SERPINI1: variants seen among roughly 807,000 people sequenced by gnomAD.
SERPINI1 encodes the protein neuroserpin.
SERPINI1 carries 19 observed loss-of-function variants against 41.1 expected under a neutral mutation model. That is an observed-to-expected ratio of 0.46 (90% CI 0.32 to 0.68). The LOEUF (loss-of-function observed/expected upper bound fraction) is 0.68. Ranked by LOEUF, SERPINI1 falls within the 30% of genes least tolerant of loss-of-function variation. The pLI is 0.03. For synonymous variants in SERPINI1, 138 were observed against 156.6 expected (o/e 0.88, Z 0.89); for missense variants, 460 against 479.2 (o/e 0.96, Z 0.37).
At chr3:167,745,671 C>A (rs1725842373) in intron 1 of SERPINI1, among the ~76,000 whole-genome samples, 1 of 151,918 alleles carries the variant, frequency 6.6e-6, no homozygotes, top group African/African-American at 2.4e-5. Flanking sequence ...CCTAAAGAAT[C>A]CACATGAAAA....
At chr3:167,736,350 A>G (rs1725433006) in intron 1 of SERPINI1, among the ~76,000 whole-genome samples, 1 of 152,182 alleles carries the variant, frequency 6.6e-6, no homozygotes, top group East Asian at 1.9e-4. Flanking sequence ...GCAGGCAGGA[A>G]TAGTCAGGAT....
intron 6 of SERPINI1, among the ~76,000 whole-genome samples, chr3:167,816,105 C>T (rs1315248746): frequency 1.3e-5 from 2 of 152,122 alleles, no homozygotes; most frequent in Non-Finnish European, 2.9e-5. Context: ...TGCAGTGGTG[C>T]GATCTTGGCT....
chr3:167,739,788 G>GT (rs765096734), intron 1 of SERPINI1, among the ~76,000 whole-genome samples: 5 of 152,000 alleles, frequency 3.3e-5, no homozygotes, highest in Non-Finnish European at 7.4e-5. Flanking sequence ...GTCATTAGTT[G>GT]TTTTTTGCAT....
chr3:167,759,400 G>GCATATATATA (rs1553771738), intron 1 of SERPINI1, among the ~76,000 whole-genome samples: 2 of 121,116 alleles, frequency 1.7e-5, no homozygotes, highest in African/African-American at 6.1e-5. Context: ...AGAAAATGTG[G>GCATATATATA]TATATATATA....
chr3:167,778,563 G>T (rs921785564), intron 1 of SERPINI1, among the ~76,000 whole-genome samples: 1 of 152,218 alleles, frequency 6.6e-6, no homozygotes, highest in Non-Finnish European at 1.5e-5. Context: ...GATCTGGGTG[G>T]CATCAGTTGG....
chr3:167,756,224 G>A (rs1010905792), intron 1 of SERPINI1, among the ~76,000 whole-genome samples: 1 of 152,144 alleles, frequency 6.6e-6, no homozygotes, highest in Non-Finnish European at 1.5e-5. Context: ...CTGAAGCTAT[G>A]TAAACCCCCA....
At chr3:167,742,249 A>T (rs1017425300) in intron 1 of SERPINI1, among the ~76,000 whole-genome samples, 1 of 152,198 alleles carries the variant, frequency 6.6e-6, no homozygotes, top group Non-Finnish European at 1.5e-5. Flanking sequence ...TTTTCCTCAC[A>T]TTGCATGGCC....
At chr3:167,807,452 C>A in intron 6 of SERPINI1, 111 bp downstream of exon 6, 1 of 703,160 alleles carries the variant, frequency 1.4e-6, no homozygotes, top group Non-Finnish European at 2.5e-6. Context: ...ATAGTTACCA[C>A]TTGCCAAATA....
chr3:167,779,520 C>G (rs899913977), intron 1 of SERPINI1, among the ~76,000 whole-genome samples: 1 of 152,110 alleles, frequency 6.6e-6, no homozygotes, highest in Non-Finnish European at 1.5e-5. Flanking sequence ...GACCAGTTTT[C>G]TACAACATAG....
intron 5 of SERPINI1, among the ~76,000 whole-genome samples, chr3:167,805,230 A>C (rs978580247): frequency 6.6e-6 from 1 of 152,118 alleles, no homozygotes; most frequent in African/African-American, 2.4e-5. Context: ...ACTTTTTAAT[A>C]ATCACCATTC....
chr3:167,743,756 A>G (rs1725754617), intron 1 of SERPINI1, among the ~76,000 whole-genome samples: 1 of 152,138 alleles, frequency 6.6e-6, no homozygotes, highest in Non-Finnish European at 1.5e-5. Context: ...CATTTACATT[A>G]CAACAAGGAT....
At chr3:167,800,505 T>C (rs1727864517) in intron 5 of SERPINI1, among the ~76,000 whole-genome samples, 1 of 152,204 alleles carries the variant, frequency 6.6e-6, no homozygotes, top group South Asian at 2.1e-4. Context: ...CTTTTCAGTC[T>C]TTACTGATAT....
chr3:167,781,508 T>C (rs1034794834), intron 1 of SERPINI1, among the ~76,000 whole-genome samples: 2 of 152,098 alleles, frequency 1.3e-5, no homozygotes, highest in East Asian at 1.9e-4. Flanking sequence ...AGTAGCCCTA[T>C]GTAGGTTCTT....
At chr3:167,789,582 A>G (rs879699712) in intron 2 of SERPINI1, among the ~76,000 whole-genome samples, 4 of 152,226 alleles carry the variant, frequency 2.6e-5, no homozygotes, top group Admixed American at 2.0e-4. Context: ...AGGAAATTAC[A>G]TCTTTTAAAA....
intron 1 of SERPINI1, chr3:167,736,057 A>T (rs1167544730): frequency 2.0e-5 from 3 of 152,186 alleles, no homozygotes; most frequent in Non-Finnish European, 4.4e-5. Context: ...CACCAGTAAA[A>T]CTGTTCTGGG....
At chr3:167,783,564 A>G (rs1727210006) in intron 1 of SERPINI1, among the ~76,000 whole-genome samples, 1 of 152,202 alleles carries the variant, frequency 6.6e-6, no homozygotes, top group Non-Finnish European at 1.5e-5. Context: ...ACCAGTGGGC[A>G]TGAGAAGTGT....
At chr3:167,769,677 C>G (rs34522080) in intron 1 of SERPINI1, among the ~76,000 whole-genome samples, 20,143 of 152,040 alleles carry the variant, frequency 0.13, 1,671 homozygotes, top group African/African-American at 0.23. Context: ...GCCTTAGAGT[C>G]ATTCTCTAAT....
chr3:167,807,656 T>C (rs915673208), intron 6 of SERPINI1, among the ~76,000 whole-genome samples: 3 of 152,198 alleles, frequency 2.0e-5, no homozygotes, highest in African/African-American at 7.2e-5. Flanking sequence ...AATAAATGTG[T>C]TGATTGACTA....
chr3:167,822,285 A>G (rs1560019755), intron 6 of SERPINI1, among the ~76,000 whole-genome samples: 2 of 152,214 alleles, frequency 1.3e-5, no homozygotes, highest in Non-Finnish European at 2.9e-5. Context: ...TCTCTGAAGT[A>G]CTGGGGGTTA....
Sources: allele counts gnomAD v4.1 joint callset (sites outside exome capture counted in the v4.1 genomes callset), GRCh38; gene constraint gnomAD v4.1.1; transcripts MANE v1.5; gene names NCBI Gene and HGNC (gene_info 2026-07-23, HGNC 2026-07-21).